Variants in P4HA3 observed in about 807,000 individuals in gnomAD.
P4HA3 encodes the protein prolyl 4-hydroxylase subunit alpha-3.
P4HA3 carries 60 observed loss-of-function variants against 66.7 expected under a neutral mutation model. The observed-to-expected ratio is 0.90, with a 90% confidence interval of 0.73 to 1.12. P4HA3 has a LOEUF of 1.12. Among genes scored for constraint, P4HA3 ranks in the 50% most tolerant of loss-of-function variants. P4HA3 has a pLI of 0.00. For synonymous variants in P4HA3, 263 were observed against 274.6 expected (o/e 0.96, Z 0.42); for missense variants, 683 against 685.8 (o/e 1.00, Z 0.05).
Position 74,268,196 on chromosome 11 carries a change from C to T in P4HA3, c.1513G>A (p.Asp505Asn). 6.2e-7 allele frequency: 1 copy of T among 1,614,110 alleles called. No individual in the cohort carries two copies. The highest frequency in any genetic ancestry group is 8.5e-7 in the Non-Finnish European group (1 of 1,179,982). ...WWNLHRSGEGDSDTLHAGCPV... is the reference protein window; with the variant it reads ...WWNLHRSGEGNSDTLHAGCPV... ...CAGCCAGCATGAAGTGTGTCACTGT[C>T]CCCTTCACCACTCCTGTGCAGGTTC... Residue 505 changes from aspartate to asparagine, a missense_variant, in exon 12 of 13, where the codon GAC becomes AAC. By Grantham distance (23) the Asp-to-Asn change is conservative (BLOSUM62 1). Transcript: ENST00000331597.
intron 8 of P4HA3, among the ~76,000 whole-genome samples, chr11:74,277,453 C>T (rs971047931): frequency 9.9e-5 from 15 of 152,068 alleles, no homozygotes; most frequent in South Asian, 2.1e-4. Flanking sequence ...CAGAGGGACC[C>T]GGGTACAGTG....
intron 4 of P4HA3, among the ~76,000 whole-genome samples, chr11:74,297,438 T>C (rs962474945): frequency 1.3e-5 from 2 of 152,106 alleles, no homozygotes; most frequent in Non-Finnish European, 2.9e-5. Context: ...GCAGAAATGG[T>C]TTACTAGTTT....
At chr11:74,254,802 C>T (rs1859792059) in intron 15 of P4HA3, 1 of 152,678 alleles carries the variant, frequency 6.5e-6, no homozygotes, top group African/African-American at 2.4e-5. Context: ...CCAGAAACCC[C>T]TTTCCCTATA....
At position 74,273,626 on chromosome 11, in the gene P4HA3, G is replaced by A. The variant is rs751690341; in HGVS notation, c.1336-19C>T. The A allele has an allele frequency of 6.5e-7, 1 of 1,536,720 alleles. No homozygotes were observed. The highest frequency in any genetic ancestry group is 8.7e-7 in the Non-Finnish European group (1 of 1,145,640). Reference sequence around the variant, plus strand: ...TTGGTGACTGAGAAAAAAAAAAACAGAACATATTATTTTATGCAGATGGCA... The same window carrying A: ...TTGGTGACTGAGAAAAAAAAAAACAAAACATATTATTTTATGCAGATGGCA... On this transcript the variant is annotated intron_variant, in intron 9 of 12. Coordinates refer to ENST00000331597, the MANE Select transcript of P4HA3 (RefSeq NM_182904.5).
intron 5 of P4HA3, chr11:74,287,040 T>C (rs1860824678): frequency 9.2e-7 from 1 of 1,086,490 alleles, no homozygotes; most frequent in Non-Finnish European, 1.1e-6. Context: ...AGAGGGACTC[T>C]AGACTTTGGC....
intron 1 of P4HA3, 112 bp from the exon 2 acceptor site, chr11:74,304,524 T>C: frequency 1.6e-6 from 2 of 1,259,442 alleles, no homozygotes; most frequent in Non-Finnish European, 2.2e-6. Context: ...GCTGAACCTC[T>C]TGAGATTCAC....
At chr11:74,311,257 C>T in intron 1 of P4HA3, 155 bp downstream of exon 1, 2 of 911,444 alleles carry the variant, frequency 2.2e-6, no homozygotes, top group Non-Finnish European at 3.1e-6. Flanking sequence ...CCACCCCATG[C>T]CACAATGTCT....
downstream of P4HA3, among the ~76,000 whole-genome samples, chr11:74,265,443 G>A (rs1859976002): frequency 6.6e-6 from 1 of 152,186 alleles, no homozygotes; most frequent in African/African-American, 2.4e-5. Flanking sequence ...TTGCGGGGAA[G>A]GGGCAGAGAC....
intron 15 of P4HA3, among the ~76,000 whole-genome samples, chr11:74,252,761 C>T (rs940275218): frequency 1.3e-5 from 2 of 152,164 alleles, no homozygotes; most frequent in African/African-American, 4.8e-5. Flanking sequence ...AAAATTCCCC[C>T]TCTATTGGTC....
At position 74,302,024 on chromosome 11, in the gene P4HA3, A is replaced by G. The variant is rs140918974; in HGVS notation, c.567+345T>C. 2.2e-3 allele frequency among the ~76,000 whole-genome samples: 334 copies of G among 152,202 alleles called. 3 individuals carry two copies. The highest frequency in any genetic ancestry group is 3.4e-3 in the Middle Eastern group (1 of 294). ...GTGCTATAGTTAGGGTGAACAAAGG[A>G]CCATTTTTCCTAGTTCATGTCTGTT... On this transcript the variant is annotated intron_variant, in intron 3 of 12. Transcript: ENST00000331597.
intron 3 of P4HA3, among the ~76,000 whole-genome samples, chr11:74,301,904 T>C (rs1861418650): frequency 6.6e-6 from 1 of 152,204 alleles, no homozygotes; most frequent in South Asian, 2.1e-4. Context: ...TTCCGTGATC[T>C]TACCTTTCCA....
At chr11:74,304,680 A>G (rs1314898488) in intron 1 of P4HA3, among the ~76,000 whole-genome samples, 1 of 152,188 alleles carries the variant, frequency 6.6e-6, no homozygotes, top group Non-Finnish European at 1.5e-5. Context: ...AGAGATATAA[A>G]GGCAAGACAG....
At chr11:74,255,614 C>A (rs1390706916) in intron 15 of P4HA3, among the ~76,000 whole-genome samples, 1 of 147,228 alleles carries the variant, frequency 6.8e-6, no homozygotes, top group Non-Finnish European at 1.5e-5. Flanking sequence ...AACTGGCTTT[C>A]TCACTAACTG....
rs371183096 is a variant in P4HA3 at position 74,269,676 on chromosome 11, G to A, written c.1443C>T (p.Ala481=). The change falls in exon 11 of 13, where the codon GCC becomes GCT. Residue 481 remains alanine (A), a synonymous_variant. Transcript: ENST00000331597. ...CCCTAACCACAGGCACGCTGAGGTT[G>A]GCATAGATGAAGGCTGTGGCTCCTC... ...EAGGATAFIY[A]NLSVPVVRNA... 17 of 1,613,754 alleles carry A rather than the reference G, an allele frequency of 1.1e-5. No homozygotes were observed. Among genetic ancestry groups the A allele is most frequent in the South Asian group, 8.8e-5 (8 of 91,032 alleles).
chr11:74,290,387 T>G (rs1423437244), intron 4 of P4HA3, among the ~76,000 whole-genome samples: 1 of 150,306 alleles, frequency 6.7e-6, no homozygotes, highest in Non-Finnish European at 1.5e-5. Flanking sequence ...TCTCCCATTT[T>G]GTAGGTTGCC....
intron 15 of P4HA3, chr11:74,252,577 T>C: frequency 2.2e-6 from 1 of 453,866 alleles, no homozygotes; most frequent in Non-Finnish European, 4.4e-6. Context: ...CAACCTCAGC[T>C]TTATTGACAT....
chr11:74,286,432 C>T, intron 5 of P4HA3, 41 bp from the exon 6 acceptor site: 2 of 1,486,858 alleles, frequency 1.3e-6, no homozygotes, highest in Non-Finnish European at 1.8e-6. Context: ...TAGGGATTAA[C>T]AAATACTGGC....
intron 9 of P4HA3, among the ~76,000 whole-genome samples, chr11:74,276,422 C>T (rs190874372): frequency 2.0e-5 from 3 of 151,922 alleles, no homozygotes; most frequent in Admixed American, 2.0e-4. Context: ...TTTAAATTAG[C>T]CAGGTGTAGT....
intron 1 of P4HA3, 78 bp from the exon 2 acceptor site, chr11:74,304,490 A>C (rs899771917): frequency 1.3e-6 from 2 of 1,511,748 alleles, no homozygotes; most frequent in South Asian, 1.2e-5. Context: ...GTGTGTGTAC[A>C]TTAAGAGTAG....
Sources: allele counts gnomAD v4.1 joint callset (sites outside exome capture counted in the v4.1 genomes callset), GRCh38; gene constraint gnomAD v4.1.1; transcripts MANE v1.5; gene names NCBI Gene and HGNC (gene_info 2026-07-23, HGNC 2026-07-21).